Variants in TENM4 observed in about 807,000 individuals in gnomAD.
TENM4 encodes teneurin-4.
In TENM4, 82 loss-of-function variants were observed where a neutral mutation model predicts 243.3. The ratio of observed to expected loss-of-function variants is 0.34; its 90% CI spans 0.28 to 0.40. The LOEUF (loss-of-function observed/expected upper bound fraction) is 0.40. TENM4 is among the 10% of genes least tolerant of loss of function. TENM4 has a pLI of 1.00. For synonymous variants in TENM4, 1,412 were observed against 1,456.3 expected (o/e 0.97, Z 0.69); for missense variants, 3,138 against 3,673.3 (o/e 0.85, Z 3.77).
At chr11:78,936,620 A>G (rs1213484007) in intron 6 of TENM4, among the ~76,000 whole-genome samples, 4 of 152,220 alleles carry the variant, frequency 2.6e-5, no homozygotes, top group African/African-American at 9.6e-5. Flanking sequence ...GGAAGTAGGA[A>G]CTGCTCTTCC....
chr11:79,200,127 T>G (rs2135187882), intron 3 of TENM4, among the ~76,000 whole-genome samples: 1 of 152,304 alleles, frequency 6.6e-6, no homozygotes, highest in South Asian at 2.1e-4. Context: ...ATTTCTGCCC[T>G]CTAAAAATAG....
intron 19 of TENM4, among the ~76,000 whole-genome samples, chr11:78,740,640 T>C (rs1179614223): frequency 6.6e-6 from 1 of 152,226 alleles, no homozygotes; most frequent in East Asian, 1.9e-4. Context: ...TTGCTGGAAC[T>C]CTGTCCTTCC....
At chr11:79,328,821 C>A (rs925142114) in intron 1 of TENM4, among the ~76,000 whole-genome samples, 1 of 152,040 alleles carries the variant, frequency 6.6e-6, no homozygotes, top group African/African-American at 2.4e-5. Context: ...GGTAACATAG[C>A]ACCTCACAGT....
At chr11:79,335,353 A>T (rs773168493) in intron 1 of TENM4, among the ~76,000 whole-genome samples, 94 of 152,212 alleles carry the variant, frequency 6.2e-4, no homozygotes, top group Non-Finnish European at 1.1e-3. Context: ...GAGATTCAAA[A>T]TAGATGCCAT....
intron 1 of TENM4, among the ~76,000 whole-genome samples, chr11:79,313,965 C>T (rs1590872589): frequency 6.6e-6 from 1 of 152,206 alleles, no homozygotes; most frequent in African/African-American, 2.4e-5. Flanking sequence ...CCATCCTCCA[C>T]TCTGCAGCCC....
chr11:79,029,607 G>C (rs1859173321), intron 6 of TENM4, among the ~76,000 whole-genome samples: 1 of 152,182 alleles, frequency 6.6e-6, no homozygotes, highest in Non-Finnish European at 1.5e-5. Flanking sequence ...AGGCCCAAGA[G>C]AACTGAGTGA....
intron 4 of TENM4, among the ~76,000 whole-genome samples, chr11:79,110,416 C>T (rs376424073): frequency 3.3e-5 from 5 of 152,184 alleles, no homozygotes; most frequent in East Asian, 1.9e-4. Context: ...GGACTCACAG[C>T]GCCCTGGGCA....
chr11:78,723,200 C>CACACA lies in TENM4; in HGVS notation c.3551-288_3551-284dup, dbSNP rs1301901602. Among the ~76,000 whole-genome samples, 4 of 152,252 alleles carry CACACA rather than the reference C, an allele frequency of 2.6e-5. No homozygotes were observed. The East Asian group carries it at 7.7e-4, about 29-fold the overall frequency. The stretch of plus-strand genomic sequence containing the variant: ...TAACTTAACCGACCTTACCCAAAGT[C>CACACA]ACACAGAAGATAAGTGGAAGAGCTC... On this transcript the variant is annotated intron_variant, in intron 23 of 33. Transcript: ENST00000278550.
intron 2 of TENM4, among the ~76,000 whole-genome samples, chr11:79,235,761 T>C (rs1864453725): frequency 6.6e-6 from 1 of 152,176 alleles, no homozygotes; most frequent in African/African-American, 2.4e-5. Context: ...GGTCTGTGGC[T>C]CTATGGAAAC....
At chr11:79,143,475 A>G (rs1862333200) in intron 4 of TENM4, among the ~76,000 whole-genome samples, 3 of 152,046 alleles carry the variant, frequency 2.0e-5, no homozygotes, top group African/African-American at 7.2e-5. Context: ...GAATTTAACA[A>G]TGAGAACACT....
chr11:78,929,948 G>C lies in TENM4; in HGVS notation c.494-26425C>G, dbSNP rs186689066. On this transcript the variant is annotated intron_variant, in intron 6 of 33. Transcript: ENST00000278550. Reference sequence around the variant, plus strand: ...TTGCAATTGTGGAGTGGAGGACAGAGGACTGAACAATTTAAACTGGTTGGG... The same window carrying C: ...TTGCAATTGTGGAGTGGAGGACAGACGACTGAACAATTTAAACTGGTTGGG... Among the ~76,000 whole-genome samples, 341 of 152,282 alleles carry C rather than the reference G, an allele frequency of 2.2e-3. 4 individuals are homozygous for C. The highest frequency in any genetic ancestry group is 1.4e-3 in the Non-Finnish European group (97 of 68,024).
rs967538487 is a variant in TENM4, at chr11:79,116,145, G to A, written c.-66+32565C>T. ...CAAAATTGTCCACATTGGTCTTACCGTAGGTTTCTACAAAGAATAAGCCAC... is the reference window on the plus strand; with the variant it reads ...CAAAATTGTCCACATTGGTCTTACCATAGGTTTCTACAAAGAATAAGCCAC... On this transcript the variant is annotated intron_variant, in intron 4 of 33. Coordinates refer to ENST00000278550, the MANE Select transcript of TENM4 (RefSeq NM_001098816.3). Among the ~76,000 whole-genome samples the A allele has an allele frequency of 5.3e-5, 8 of 152,304 alleles. No individual in the cohort carries two copies. In the East Asian group the frequency reaches 7.7e-4, roughly 15 times the overall value.
At chr11:79,371,740 T>C (rs569316982) in intron 1 of TENM4, among the ~76,000 whole-genome samples, 2 of 152,312 alleles carry the variant, frequency 1.3e-5, no homozygotes, top group East Asian at 3.9e-4. Flanking sequence ...GTTGTTAATA[T>C]GATAATTGTT....
chr11:79,116,053 A>C (rs1861612172), intron 4 of TENM4, among the ~76,000 whole-genome samples: 1 of 152,214 alleles, frequency 6.6e-6, no homozygotes, highest in Non-Finnish European at 1.5e-5. Flanking sequence ...ACCTGAAGAC[A>C]CTTGAAAAGT....
intron 3 of TENM4, among the ~76,000 whole-genome samples, chr11:79,158,858 A>G (rs1022614049): frequency 6.6e-6 from 1 of 152,194 alleles, no homozygotes; most frequent in African/African-American, 2.4e-5. Flanking sequence ...GGAAGCTGCT[A>G]GCATGGGTCT....
intron 1 of TENM4, among the ~76,000 whole-genome samples, chr11:79,382,721 C>T (rs1858029669): frequency 6.6e-6 from 1 of 151,914 alleles, no homozygotes; most frequent in African/African-American, 2.4e-5. Flanking sequence ...AGATTTGTTT[C>T]CCGAGAAGAG....
intron 6 of TENM4, among the ~76,000 whole-genome samples, chr11:79,053,673 C>G (rs1249046276): frequency 6.6e-6 from 1 of 152,152 alleles, no homozygotes; most frequent in African/African-American, 2.4e-5. Flanking sequence ...TCAGAGGAAG[C>G]CAGGCTTGTC....
At chr11:78,777,288 C>CTCT (rs1233955538) in intron 17 of TENM4, among the ~76,000 whole-genome samples, 1 of 152,192 alleles carries the variant, frequency 6.6e-6, no homozygotes, top group Non-Finnish European at 1.5e-5. Context: ...AAGACCCTTG[C>CTCT]TCTTCCTCCA....
chr11:79,433,897 C>A (rs1859218862), intron 1 of TENM4, among the ~76,000 whole-genome samples: 2 of 152,220 alleles, frequency 1.3e-5, no homozygotes, highest in Non-Finnish European at 2.9e-5. Context: ...CAGCAACCAA[C>A]AGAGCGGGCT....
Sources: allele counts gnomAD v4.1 joint callset (sites outside exome capture counted in the v4.1 genomes callset), GRCh38; gene constraint gnomAD v4.1.1; transcripts MANE v1.5; gene names NCBI Gene and HGNC (gene_info 2026-07-23, HGNC 2026-07-21).